Variants in MYBPHL observed in about 807,000 individuals in gnomAD.
MYBPHL encodes myosin-binding protein H-like.
In MYBPHL, 32 loss-of-function variants were observed where a neutral mutation model predicts 39.5. The ratio of observed to expected loss-of-function variants is 0.81; its 90% CI spans 0.61 to 1.09. The LOEUF is 1.09. MYBPHL is among the 50% of genes least tolerant of loss of function. The pLI is 0.00. For missense variants in MYBPHL, 456 were observed against 460.2 expected (o/e 0.99, Z 0.08); for synonymous variants, 196 against 183.7 (o/e 1.07, Z -0.54).
At chr1:109,293,806 G>A (rs930861055) in intron 8 of MYBPHL, among the ~76,000 whole-genome samples, 6 of 151,876 alleles carry the variant, frequency 4.0e-5, no homozygotes, top group African/African-American at 1.5e-4. Flanking sequence ...GCTCTCACCT[G>A]TAATCCCAGC....
chr1:109,299,942 C>T (rs541691992), intron 1 of MYBPHL, among the ~76,000 whole-genome samples: 7 of 152,280 alleles, frequency 4.6e-5, no homozygotes, highest in South Asian at 4.1e-4. Context: ...GAGTTGAAGA[C>T]GGGCGGATAT....
At position 109,297,424 on chromosome 1, in the gene MYBPHL, A is replaced by T. The variant is rs1484726879; in HGVS notation, c.428T>A (p.Ile143Asn). ...EATATIDILV[I>N]ERPGPPQSIK... ...ATCTCCCACTTCCCCCACCGTACCA[A>T]TCACCAGGATGTCAATGGTGGCGGT... Residue 143 changes from isoleucine (I) to asparagine (N), a missense_variant and splice_region_variant, in exon 3 of 9, where the codon ATT becomes AAT. Coordinates refer to ENST00000357155, the MANE Select transcript of MYBPHL (RefSeq NM_001010985.3). 1 of 1,611,494 alleles carries T rather than the reference A, an allele frequency of 6.2e-7. No homozygotes were observed. The highest frequency in any genetic ancestry group is 1.7e-5 in the Admixed American group (1 of 59,964).
chr1:109,303,639 T>C lies in MYBPHL; in HGVS notation c.145+3208A>G, dbSNP rs114167679. On this transcript the variant is annotated intron_variant, in intron 1 of 8. Transcript: ENST00000357155. ...TAAAACCTCCCTACCTTCTCCCTCA[T>C]TCTCATTCCCAGTTGTCGATCTTGC... Among the ~76,000 whole-genome samples the C allele has an allele frequency of 1.6e-3, 247 of 152,264 alleles. 1 individual carries two copies. The highest frequency in any genetic ancestry group is 3.5e-3 in the South Asian group (17 of 4,818).
Position 109,298,200 on chromosome 1 carries a change from C to T in MYBPHL, c.203G>A (p.Gly68Glu). 1 of 1,610,476 alleles carries T rather than the reference C, an allele frequency of 6.2e-7. No homozygotes were observed. The highest frequency in any genetic ancestry group is 1.3e-5 in the African/African-American group (1 of 74,772). ...TGGGATTAGTAGGTTCACTGTGTCC[C>T]CAACCTTCCGGATGTAGGTCTGCCT... ...ALRQTYIRKV[G>E]DTVNLLIPFQ... Residue 68 changes from glycine to glutamate, a missense_variant, in exon 2 of 9, where the codon GGG becomes GAG. Physicochemically the swap from Gly to Glu is moderately conservative, Grantham distance 98. Coordinates refer to ENST00000357155, the MANE Select transcript of MYBPHL (RefSeq NM_001010985.3).
At chr1:109,305,439 G>A (rs1658432612) in intron 1 of MYBPHL, among the ~76,000 whole-genome samples, 1 of 152,228 alleles carries the variant, frequency 6.6e-6, no homozygotes, top group Admixed American at 6.5e-5. Flanking sequence ...GAGGCTTTGG[G>A]CTGCATTTGC....
chr1:109,299,653 G>A (rs1363333262), intron 1 of MYBPHL, among the ~76,000 whole-genome samples: 1 of 152,200 alleles, frequency 6.6e-6, no homozygotes. Context: ...TTCCTTCTGT[G>A]CTGTGTGGCT....
intron 1 of MYBPHL, among the ~76,000 whole-genome samples, chr1:109,301,410 A>G (rs1335833752): frequency 6.6e-6 from 1 of 152,228 alleles, no homozygotes; most frequent in Non-Finnish European, 1.5e-5. Context: ...TCTCTCAGAC[A>G]GGATGCTGTT....
Position 109,297,145 on chromosome 1 carries a change from C to G in MYBPHL, c.475G>C (p.Gly159Arg). The G allele has an allele frequency of 6.2e-7, 1 of 1,614,190 alleles. No individual in the cohort carries two copies. ...GTCCATTCCAGTGTAGCGCTGAAGC[C>G]CCAAACGTCCACCAGCTTAATACTC... ...PQSIKLVDVW[G>R]FSATLEWTPP... The change falls in exon 4 of 9, where the codon GGC (glycine) becomes CGC (arginine). Residue 159 changes from glycine (G) to arginine (R), a missense_variant. Transcript: ENST00000357155.
At chr1:109,304,802 A>C (rs760598560) in intron 1 of MYBPHL, among the ~76,000 whole-genome samples, 67 of 152,148 alleles carry the variant, frequency 4.4e-4, no homozygotes, top group Non-Finnish European at 8.5e-4. Context: ...CTGGCCACCT[A>C]CTCCTGCTTA....
intron 4 of MYBPHL, 41 bp downstream of exon 4, chr1:109,297,009 C>T: frequency 6.2e-7 from 1 of 1,614,042 alleles, no homozygotes; most frequent in Non-Finnish European, 8.5e-7. Context: ...CCTGTCCCAA[C>T]ATGCCCTCTT....
At chr1:109,295,055 G>A (rs976721429) in intron 7 of MYBPHL, 56 bp downstream of exon 7, 13 of 1,577,502 alleles carry the variant, frequency 8.2e-6, no homozygotes, top group Middle Eastern at 2.3e-4. Context: ...CTCTTCCACC[G>A]GTGGAGAGAG....
At chr1:109,292,686 C>T (rs1047670372) in intron 8 of MYBPHL, 98 bp from the exon 9 acceptor site, 5 of 152,198 alleles carry the variant, frequency 3.3e-5, no homozygotes, top group South Asian at 4.1e-4. Context: ...AGCCGACTGT[C>T]GGAGAGCGCT....
chr1:109,296,755 C>A (rs183106571), intron 5 of MYBPHL, 28 bp downstream of exon 5: 258 of 1,613,640 alleles, frequency 1.6e-4, no homozygotes, highest in Non-Finnish European at 1.9e-4. Flanking sequence ...TAAGTCTTCC[C>A]AGCTCATGAT....
chr1:109,296,718 C>T (rs560654979), intron 5 of MYBPHL, 65 bp downstream of exon 5: 103 of 1,587,842 alleles, frequency 6.5e-5, no homozygotes, highest in East Asian at 2.2e-4. Context: ...GAATTAGAGG[C>T]GTGAGCCACT....
At chr1:109,306,182 T>C (rs1658461744) in intron 1 of MYBPHL, among the ~76,000 whole-genome samples, 1 of 152,190 alleles carries the variant, frequency 6.6e-6, no homozygotes, top group Non-Finnish European at 1.5e-5. Flanking sequence ...AGCCAGGGCA[T>C]TCAGGGATGG....
At chr1:109,297,672 T>C in intron 2 of MYBPHL, 55 bp from the exon 3 acceptor site, 1 of 1,499,884 alleles carries the variant, frequency 6.7e-7, no homozygotes, top group Admixed American at 1.9e-5. Flanking sequence ...TGACTCTCCC[T>C]GCTGCTGTAG....
At chr1:109,306,494 C>T (rs971732049) in intron 1 of MYBPHL, among the ~76,000 whole-genome samples, 1 of 152,152 alleles carries the variant, frequency 6.6e-6, no homozygotes, top group Non-Finnish European at 1.5e-5. Context: ...ATCTCTTACC[C>T]CTCAGTCCCT....
rs1347157011 is a variant in MYBPHL, at chr1:109,297,456, C to T, written c.396G>A (p.Leu132=). The T allele has an allele frequency of 2.5e-6, 4 of 1,613,054 alleles. No individual in the cohort carries two copies. Among genetic ancestry groups the T allele is most frequent in the Non-Finnish European group, 3.4e-6 (4 of 1,179,962 alleles). ...RYQLRVQLGG[L]EATATIDILV... ...GGATGTCAATGGTGGCGGTGGCCTC[C>T]AGCCCACCCAGCTGCACGCGGAGTT... The change falls in exon 3 of 9, where the codon CTG becomes CTA. Residue 132 remains leucine, a synonymous_variant. Transcript: ENST00000357155.
At chr1:109,298,071 G>T in intron 2 of MYBPHL, 98 bp downstream of exon 2, 2 of 1,029,008 alleles carry the variant, frequency 1.9e-6, no homozygotes, top group Non-Finnish European at 1.4e-6. Flanking sequence ...AGGCTGGGAA[G>T]ATTGCCCCTC....
Sources: gnomAD v4.1 joint callset for allele counts (sites outside exome capture counted in the v4.1 genomes callset) on GRCh38, gnomAD v4.1.1 for gene constraint, MANE v1.5 for transcripts, NCBI Gene and HGNC (gene_info 2026-07-23, HGNC 2026-07-21) for gene names.